Variants in IL15 observed in about 807,000 individuals in gnomAD.
IL15 encodes the protein interleukin 15.
A neutral mutation model predicts 19.6 loss-of-function variants in IL15; 11 were observed. The observed-to-expected ratio is 0.56, with a 90% CI of 0.35 to 0.93. The LOEUF (loss-of-function observed/expected upper bound fraction) is 0.93, where lower values mean the gene tolerates loss of function less well. Among genes scored for constraint, IL15 ranks in the 40% least tolerant of loss-of-function variants. The pLI, the probability that IL15 is intolerant of heterozygous loss-of-function variation, is 0.01. For missense variants in IL15, 197 were observed against 186.5 expected (o/e 1.06, Z -0.33); for synonymous variants, 58 against 59.6 (o/e 0.97, Z 0.12).
At chr4:141,675,105 T>A (rs1284613970) in intron 2 of IL15, among the ~76,000 whole-genome samples, 4 of 151,932 alleles carry the variant, frequency 2.6e-5, no homozygotes, top group Non-Finnish European at 2.9e-5. Context: ...ACCCATTTTT[T>A]AAAAATAATT....
chr4:141,653,521 C>G (rs2152157229), intron 1 of IL15, among the ~76,000 whole-genome samples: 1 of 152,162 alleles, frequency 6.6e-6, no homozygotes, highest in East Asian at 1.9e-4. Flanking sequence ...TGCAGACACA[C>G]AAAAATGCAC....
At position 141,721,003 on chromosome 4, in the gene IL15, C is replaced by T. The variant is rs1187718485; in HGVS notation, c.110+437C>T. The T allele has an allele frequency of 1.2e-5, 7 of 603,486 alleles. No homozygotes were observed. The Admixed American group carries it at 1.3e-4, about 11-fold the overall frequency. The allele number at this position is 603,486 out of a possible 1,614,324, so 37.4% of individuals were successfully genotyped here. The stretch of plus-strand genomic sequence containing the variant: ...TCTTTATTTAAGCCTTTTGTTGTTT[C>T]CTTCTAATAAAATTCATATGTTTCC... On this transcript the variant is annotated intron_variant, in intron 4 of 7. Transcript: ENST00000320650.
chr4:141,698,430 C>A (rs551423306), intron 2 of IL15, among the ~76,000 whole-genome samples: 3 of 151,406 alleles, frequency 2.0e-5, no homozygotes, highest in African/African-American at 4.8e-5. Context: ...CTTTGAATGT[C>A]TGATAGAATT....
At chr4:141,704,943 CTTATT>C (rs1169227434) in intron 2 of IL15, among the ~76,000 whole-genome samples, 1 of 151,284 alleles carries the variant, frequency 6.6e-6, no homozygotes, top group African/African-American at 2.4e-5. Context: ...TTTTTCATCT[CTTATT>C]TTATTTATTT....
intron 2 of IL15, among the ~76,000 whole-genome samples, chr4:141,675,555 G>T (rs1251159275): frequency 6.6e-6 from 1 of 152,170 alleles, no homozygotes; most frequent in Non-Finnish European, 1.5e-5. Context: ...TCGAGTATTT[G>T]TTATAGTGTT....
intron 2 of IL15, among the ~76,000 whole-genome samples, chr4:141,684,423 G>A (rs774501871): frequency 6.6e-6 from 1 of 152,164 alleles, no homozygotes; most frequent in Non-Finnish European, 1.5e-5. Context: ...TCCCTGTCAA[G>A]TATAATTGTT....
chr4:141,648,907 A>C (rs1727315755), intron 1 of IL15, among the ~76,000 whole-genome samples: 1 of 152,128 alleles, frequency 6.6e-6, no homozygotes, highest in Non-Finnish European at 1.5e-5. Flanking sequence ...GTGGATATTT[A>C]TTGATCACTT....
At chr4:141,647,161 TA>T (rs1727252265) in intron 1 of IL15, among the ~76,000 whole-genome samples, 1 of 152,040 alleles carries the variant, frequency 6.6e-6, no homozygotes, top group Admixed American at 6.6e-5. Context: ...GGGACTTTCC[TA>T]AATACTTGAC....
Position 141,730,005 on chromosome 4 carries a change from T to G in IL15, c.378+21T>G, listed in dbSNP as rs760985098. 2.5e-6 allele frequency: 4 copies of G among 1,595,624 alleles called. No individual in the cohort carries two copies. In the African/African-American group the frequency reaches 5.4e-5, roughly 21 times the overall value. On this transcript the variant is annotated intron_variant, in intron 7 of 7. Coordinates refer to ENST00000320650, the MANE Select transcript of IL15 (RefSeq NM_000585.5). ...ATGGGGTGAGTTTTCCAACAGTTGC[T>G]TAGAGTTGCATCTTATGTTTTGGGC...
At chr4:141,710,781 C>T (rs1224955670) in intron 2 of IL15, among the ~76,000 whole-genome samples, 3 of 151,628 alleles carry the variant, frequency 2.0e-5, no homozygotes, top group African/African-American at 7.3e-5. Flanking sequence ...TTATACATGT[C>T]TGGCTTGGGT....
intron 2 of IL15, among the ~76,000 whole-genome samples, chr4:141,709,093 A>G (rs536821624): frequency 7.2e-6 from 1 of 139,482 alleles, no homozygotes; most frequent in Admixed American, 7.5e-5. Context: ...TCAATATTGA[A>G]AAATTTCAAT....
chr4:141,730,849 C>T (rs1342366775), intron 7 of IL15, among the ~76,000 whole-genome samples: 1 of 152,072 alleles, frequency 6.6e-6, no homozygotes, highest in Admixed American at 6.6e-5. Context: ...CTTTTTAGCC[C>T]TCAGGAGACA....
chr4:141,659,612 A>C (rs1219515108), intron 2 of IL15, among the ~76,000 whole-genome samples: 4 of 152,238 alleles, frequency 2.6e-5, no homozygotes, highest in Admixed American at 2.0e-4. Context: ...TTTTAGTAAT[A>C]GCAATGTGGT....
chr4:141,659,743 T>A (rs957478021), intron 2 of IL15, among the ~76,000 whole-genome samples: 2 of 152,228 alleles, frequency 1.3e-5, no homozygotes, highest in Non-Finnish European at 2.9e-5. Context: ...TTAAATGAAA[T>A]CATGCTTGAA....
chr4:141,700,015 T>C (rs946181835), intron 2 of IL15, among the ~76,000 whole-genome samples: 3 of 152,076 alleles, frequency 2.0e-5, no homozygotes, highest in African/African-American at 7.2e-5. Context: ...ATCTCCCGGG[T>C]TCAGGCGATT....
intron 2 of IL15, among the ~76,000 whole-genome samples, chr4:141,686,068 G>A (rs990511680): frequency 2.6e-5 from 4 of 151,942 alleles, no homozygotes; most frequent in Admixed American, 6.6e-5. Context: ...AGGTCGAGAC[G>A]GGCAGATTAC....
chr4:141,720,629 T>C (rs1272002879), intron 4 of IL15, 63 bp downstream of exon 4: 1 of 916,620 alleles, frequency 1.1e-6, no homozygotes, highest in Non-Finnish European at 1.8e-6. Context: ...TCCTTGGATA[T>C]ATTTTCCATT....
At chr4:141,655,263 G>A (rs1238943097) in intron 1 of IL15, among the ~76,000 whole-genome samples, 1 of 151,800 alleles carries the variant, frequency 6.6e-6, no homozygotes, top group African/African-American at 2.4e-5. Context: ...TTCATAAAGA[G>A]GATGGAAAAC....
In IL15 at chr4:141,665,614, C is replaced by T. The variant is rs576843983; in HGVS notation, c.-100+9307C>T. On this transcript the variant is annotated intron_variant, in intron 2 of 7. Coordinates refer to ENST00000320650, the MANE Select transcript of IL15 (RefSeq NM_000585.5). Reference sequence around the variant, plus strand: ...ATGATATTTCTGTAATATATAGTTTCCATCTAGGAATAAAGTATGCTTCTC... The same window carrying T: ...ATGATATTTCTGTAATATATAGTTTTCATCTAGGAATAAAGTATGCTTCTC... 2.0e-5 allele frequency among the ~76,000 whole-genome samples: 3 copies of T among 152,236 alleles called. No individual in the cohort carries two copies. In the East Asian group the frequency reaches 5.8e-4, roughly 29 times the overall value.
Sources: allele counts gnomAD v4.1 joint callset (sites outside exome capture counted in the v4.1 genomes callset), GRCh38; gene constraint gnomAD v4.1.1; transcripts MANE v1.5; gene names NCBI Gene and HGNC (gene_info 2026-07-23, HGNC 2026-07-21).